The following LCLAT1 variants were observed in gnomAD, a reference collection of about 807,000 sequenced individuals.
LCLAT1 encodes the protein lysocardiolipin acyltransferase 1, also known as 1-AGP acyltransferase 8.
A neutral mutation model predicts 30.7 loss-of-function variants in LCLAT1; 11 were observed. That is an observed-to-expected ratio of 0.36 (90% CI 0.23 to 0.59). The LOEUF (loss-of-function observed/expected upper bound fraction) is 0.59. Among genes scored for constraint, LCLAT1 ranks in the 20% least tolerant of loss-of-function variants. The pLI is 0.77. For synonymous variants in LCLAT1, 155 were observed against 151.3 expected (o/e 1.02, Z -0.18); for missense variants, 402 against 458.6 (o/e 0.88, Z 1.13).
At chr2:30,479,455 C>T (rs1683219662) in intron 1 of LCLAT1, among the ~76,000 whole-genome samples, 1 of 152,130 alleles carries the variant, frequency 6.6e-6, no homozygotes, top group Non-Finnish European at 1.5e-5. Context: ...GCATGTTACC[C>T]AGGCTGGTCT....
At chr2:30,597,623 G>T (rs998031822) in intron 5 of LCLAT1, among the ~76,000 whole-genome samples, 2 of 152,070 alleles carry the variant, frequency 1.3e-5, no homozygotes, top group African/African-American at 4.8e-5. Flanking sequence ...TTCCTATGTA[G>T]ATACCCTTTG....
chr2:30,466,782 A>G (rs1017263966), intron 1 of LCLAT1, among the ~76,000 whole-genome samples: 3 of 152,164 alleles, frequency 2.0e-5, no homozygotes, highest in African/African-American at 7.2e-5. Context: ...TAACATCAGC[A>G]TATGGGAACT....
intron 5 of LCLAT1, among the ~76,000 whole-genome samples, chr2:30,600,327 A>G (rs1049124480): frequency 6.6e-6 from 1 of 152,198 alleles, no homozygotes; most frequent in South Asian, 2.1e-4. Flanking sequence ...GTCAATAAGA[A>G]CAAAGAGATA....
chr2:30,575,940 G>A (rs1456993046), intron 5 of LCLAT1, among the ~76,000 whole-genome samples: 1 of 152,048 alleles, frequency 6.6e-6, no homozygotes, highest in Admixed American at 6.6e-5. Context: ...CTATAAAAAT[G>A]CCTACTATTG....
intron 5 of LCLAT1, among the ~76,000 whole-genome samples, chr2:30,628,863 G>T (rs1327840830): frequency 1.3e-5 from 2 of 152,094 alleles, no homozygotes; most frequent in Non-Finnish European, 2.9e-5. Flanking sequence ...ACAAAACTAG[G>T]AATCCAGAAG....
At chr2:30,469,880 A>G (rs1191600821) in intron 1 of LCLAT1, among the ~76,000 whole-genome samples, 3 of 152,040 alleles carry the variant, frequency 2.0e-5, no homozygotes. Flanking sequence ...TGCATGAGCC[A>G]CTGCACCTGG....
chr2:30,476,391 T>G, intron 1 of LCLAT1: 1 of 456,696 alleles, frequency 2.2e-6, no homozygotes, highest in Non-Finnish European at 4.4e-6. Context: ...AAGTTTCATC[T>G]GTCTTTACAG....
At chr2:30,611,771 G>A (rs923091288) in intron 5 of LCLAT1, among the ~76,000 whole-genome samples, 2 of 152,170 alleles carry the variant, frequency 1.3e-5, no homozygotes, top group African/African-American at 2.4e-5. Flanking sequence ...TTCATGAACC[G>A]CTTAGCAGAC....
chr2:30,637,573 A>G (rs774666696), intron 5 of LCLAT1, among the ~76,000 whole-genome samples: 1 of 151,818 alleles, frequency 6.6e-6, no homozygotes, highest in East Asian at 1.9e-4. Flanking sequence ...GCTTCTGACT[A>G]CTGGCCCAGT....
At chr2:30,583,865 G>A (rs989919415) in intron 5 of LCLAT1, among the ~76,000 whole-genome samples, 7 of 151,954 alleles carry the variant, frequency 4.6e-5, no homozygotes, top group Non-Finnish European at 1.0e-4. Context: ...TGAATTAGGT[G>A]GGAATGTTTG....
chr2:30,455,223 G>C (rs1041230059), intron 1 of LCLAT1, among the ~76,000 whole-genome samples: 7 of 152,172 alleles, frequency 4.6e-5, no homozygotes, highest in Non-Finnish European at 8.8e-5. Context: ...CTCTGAAATT[G>C]TATCTGATTT....
At chr2:30,471,009 A>T (rs1405632740) in intron 1 of LCLAT1, among the ~76,000 whole-genome samples, 1 of 124,466 alleles carries the variant, frequency 8.0e-6, no homozygotes, top group African/African-American at 3.2e-5. Flanking sequence ...TGCCTCCCGG[A>T]TTCAAGCAAT....
At chr2:30,551,862 G>T (rs572037766) in intron 3 of LCLAT1, among the ~76,000 whole-genome samples, 1 of 152,242 alleles carries the variant, frequency 6.6e-6, no homozygotes, top group African/African-American at 2.4e-5. Flanking sequence ...TACATAGTAG[G>T]TATATATTTA....
intron 5 of LCLAT1, among the ~76,000 whole-genome samples, chr2:30,583,991 A>T (rs1255962030): frequency 8.6e-5 from 13 of 151,542 alleles, no homozygotes; most frequent in Admixed American, 8.5e-4. Flanking sequence ...GGTTTGCCGC[A>T]CCTGTTGACC....
chr2:30,496,426 C>A (rs1684120406), intron 1 of LCLAT1, among the ~76,000 whole-genome samples: 1 of 152,162 alleles, frequency 6.6e-6, no homozygotes, highest in Admixed American at 6.5e-5. Context: ...GGGCGTCTTT[C>A]TTCCGGGTAC....
At chr2:30,491,372 A>G (rs575435847) in intron 1 of LCLAT1, among the ~76,000 whole-genome samples, 2 of 152,338 alleles carry the variant, frequency 1.3e-5, no homozygotes, top group East Asian at 1.9e-4. Context: ...TACTTATCCT[A>G]AGGTAGGTAC....
intron 1 of LCLAT1, among the ~76,000 whole-genome samples, chr2:30,470,804 T>C (rs1558458705): frequency 6.6e-6 from 1 of 152,238 alleles, no homozygotes; most frequent in African/African-American, 2.4e-5. Context: ...GCAAAAGTTA[T>C]TGGAATTTTG....
At chr2:30,592,124 C>T (rs955680425) in intron 5 of LCLAT1, among the ~76,000 whole-genome samples, 1 of 152,152 alleles carries the variant, frequency 6.6e-6, no homozygotes, top group Admixed American at 6.5e-5. Context: ...CCTTTTTGCC[C>T]TCTTCAATCT....
intron 1 of LCLAT1, among the ~76,000 whole-genome samples, chr2:30,523,592 G>A (rs576563837): frequency 8.5e-5 from 13 of 152,280 alleles, no homozygotes; most frequent in African/African-American, 3.1e-4. Flanking sequence ...ATAGTCGGCT[G>A]GGCACAGTGG....
Sources: gnomAD v4.1 joint callset for allele counts (sites outside exome capture counted in the v4.1 genomes callset) on GRCh38, gnomAD v4.1.1 for gene constraint, MANE v1.5 for transcripts, NCBI Gene and HGNC (gene_info 2026-07-23, HGNC 2026-07-21) for gene names.